Variants in USP6NL observed in about 807,000 individuals in gnomAD.
The protein encoded by USP6NL is USP6 N-terminal-like protein.
USP6NL carries 26 observed loss-of-function variants against 61.9 expected under a neutral mutation model. The observed-to-expected ratio is 0.42, with a 90% CI of 0.31 to 0.58. USP6NL has a LOEUF of 0.58. Among genes scored for constraint, USP6NL ranks in the 20% least tolerant of loss-of-function variants. USP6NL has a pLI of 0.16. For missense variants in USP6NL, 1,114 were observed against 1,034.3 expected, an observed-to-expected ratio of 1.08 and a Z score of -1.06; for synonymous variants, 432 against 390.1, an observed-to-expected ratio of 1.11 and a Z score of -1.27.
At chr10:11,539,877 T>A (rs1305419782) in intron 2 of USP6NL, among the ~76,000 whole-genome samples, 1 of 152,218 alleles carries the variant, frequency 6.6e-6, no homozygotes, top group Non-Finnish European at 1.5e-5. Context: ...CCTATGTTAG[T>A]TTTTATGACT....
At chr10:11,569,362 TA>T (rs1160093292) in intron 2 of USP6NL, among the ~76,000 whole-genome samples, 1 of 152,088 alleles carries the variant, frequency 6.6e-6, no homozygotes, top group East Asian at 1.9e-4. Flanking sequence ...AAAACACAGC[TA>T]AAAAAACAGG....
In USP6NL at chr10:11,485,352, A is replaced by C; in HGVS notation, c.760-118T>G. On this transcript the variant is annotated intron_variant, in intron 11 of 14. Transcript: ENST00000609104. The surrounding 1 kb of genome is among the most constrained non-coding windows in gnomAD (Gnocchi z 4.8). ...CAAAGCTAAACACATTTACTTCTCAAAATCACTCCAAGAATAAATTCCTCT... is the reference window on the plus strand; with the variant it reads ...CAAAGCTAAACACATTTACTTCTCACAATCACTCCAAGAATAAATTCCTCT... 1.4e-6 allele frequency: 1 copy of C among 735,402 alleles called. No homozygotes were observed. 45.6% of individuals were successfully genotyped at this position (735,402 alleles called of 1,614,324 possible).
At chr10:11,535,165 G>A (rs942337744) in intron 2 of USP6NL, among the ~76,000 whole-genome samples, 1 of 152,164 alleles carries the variant, frequency 6.6e-6, no homozygotes, top group African/African-American at 2.4e-5. Flanking sequence ...AGAGGCAGAG[G>A]CAATGGGCCC....
intron 2 of USP6NL, among the ~76,000 whole-genome samples, chr10:11,533,277 T>C (rs1056880876): frequency 1.3e-5 from 2 of 152,240 alleles, no homozygotes; most frequent in Non-Finnish European, 2.9e-5. Context: ...AAAATTATCA[T>C]GAACTTGGAA....
chr10:11,581,074 T>C (rs1766784848), intron 2 of USP6NL, among the ~76,000 whole-genome samples: 1 of 152,192 alleles, frequency 6.6e-6, no homozygotes, highest in South Asian at 2.1e-4. Context: ...TACAAACTAA[T>C]AGGTCTCTAT....
chr10:11,473,017 CATTAT>C (rs776982709), intron 14 of USP6NL, among the ~76,000 whole-genome samples: 8 of 152,082 alleles, frequency 5.3e-5, no homozygotes, highest in Non-Finnish European at 8.8e-5. Flanking sequence ...CATCATTTTA[CATTAT>C]ATGAATAAAT....
intron 7 of USP6NL, among the ~76,000 whole-genome samples, chr10:11,493,763 G>A (rs1001317915): frequency 1.8e-4 from 27 of 151,368 alleles, no homozygotes; most frequent in South Asian, 8.4e-4. Flanking sequence ...CTGCCTGTGC[G>A]GCCGGACCTC....
rs1437995796 is a variant in USP6NL, at chr10:11,460,843, C to G, written c.*1598G>C. 6.6e-6 allele frequency: 1 copy of G among 152,358 alleles called. No homozygotes were observed. Among genetic ancestry groups the G allele is most frequent in the African/African-American group, 2.4e-5 (1 of 41,432 alleles). The allele number at this position is 152,358 out of a possible 1,614,324, so 9.4% of individuals were successfully genotyped here. A position where few individuals can be genotyped will look rare whatever the true frequency, so the allele number is the denominator to read the frequency against. ...TCAGCTTCCACCTGACCTGCATCAA[C>G]AGCCCAGTTATTTCACCAGAATTTT... is the stretch of plus-strand genomic sequence containing the variant. On this transcript the variant is annotated 3_prime_UTR_variant, in exon 15 of 15. Coordinates refer to ENST00000609104, the MANE Select transcript of USP6NL (RefSeq NM_014688.5).
chr10:11,590,230 C>T (rs1838117035), intron 2 of USP6NL, among the ~76,000 whole-genome samples: 2 of 152,044 alleles, frequency 1.3e-5, no homozygotes, highest in Non-Finnish European at 2.9e-5. Context: ...CCCTGCCTAT[C>T]TCCAAAAAAA....
At chr10:11,565,074 T>C (rs1837084011) in intron 2 of USP6NL, 2 of 152,222 alleles carry the variant, frequency 1.3e-5, no homozygotes, top group South Asian at 4.1e-4. Flanking sequence ...TTTCTACAGT[T>C]TTTTTCTCAC....
At chr10:11,580,699 T>G (rs116805173) in intron 2 of USP6NL, among the ~76,000 whole-genome samples, 1,791 of 152,308 alleles carry the variant, frequency 0.012, 36 homozygotes, top group African/African-American at 0.037. Context: ...CTCCCCTAAA[T>G]GATCCTAACC....
In USP6NL at chr10:11,602,070, TACACAC is replaced by T. The variant is rs141671479; in HGVS notation, c.-83-4359_-83-4354del. ...ATATATACATACATATACATACATATACACACACACACACGTCCAAATAACAAGGGA... is the reference window on the plus strand; with the variant it reads ...ATATATACATACATATACATACATATACACACACGTCCAAATAACAAGGGA... On this transcript the variant is annotated intron_variant, in intron 1 of 14. Transcript: ENST00000609104. This position sits in a 1 kb window ranked among gnomAD's most constrained non-coding sequence, Gnocchi z 4.8. Among the ~76,000 whole-genome samples the T allele has an allele frequency of 6.6e-6, 1 of 151,664 alleles. No individual in the cohort carries two copies. The highest frequency in any genetic ancestry group is 2.4e-5 in the African/African-American group (1 of 41,338).
chr10:11,572,095 C>A (rs1837386954), intron 2 of USP6NL, among the ~76,000 whole-genome samples: 3 of 151,744 alleles, frequency 2.0e-5, no homozygotes, highest in East Asian at 3.9e-4. Context: ...AATTATTATT[C>A]TTTTCCCTGG....
At position 11,485,903 on chromosome 10, in the gene USP6NL, C is replaced by A. The variant is rs1194396191; in HGVS notation, c.673G>T (p.Val225Phe). The A allele has an allele frequency of 6.5e-7, 1 of 1,544,206 alleles. No individual in the cohort carries two copies. The highest frequency in any genetic ancestry group is 1.2e-5 in the South Asian group (1 of 81,550). ...GPKHAMHGFFVQGFPKLLRFQ... is the reference protein window; with the variant it reads ...GPKHAMHGFFFQGFPKLLRFQ... The stretch of plus-strand genomic sequence containing the variant: ...CTCAAGAGTTTAGGAAAACCTTGGA[C>A]AAAAAAGCCTAGAATACAAACATAA... Residue 225 changes from valine to phenylalanine, a missense_variant, in exon 11 of 15, where the codon GTC (valine) becomes TTC (phenylalanine). Transcript: ENST00000609104. The surrounding 1 kb of genome is among the most constrained non-coding windows in gnomAD (Gnocchi z 4.8).
At chr10:11,563,995 G>A (rs1318425280) in intron 2 of USP6NL, 1 of 152,128 alleles carries the variant, frequency 6.6e-6, no homozygotes, top group Non-Finnish European at 1.5e-5. Context: ...ATGTTCTTAG[G>A]TAGTCATTTA....
rs570462637 is a variant in USP6NL at position 11,543,384 on chromosome 10, C to T, written c.5-15817G>A. ...GTGAAACCCCGTCTCTACTAAAAAA[C>T]ACAAAAAATTAGCCAGGCATGGTGG... is the stretch of plus-strand genomic sequence containing the variant. On this transcript the variant is annotated intron_variant, in intron 2 of 14. Transcript: ENST00000609104. Among the ~76,000 whole-genome samples the T allele has an allele frequency of 3.0e-3, 455 of 151,848 alleles. 3 individuals carry two copies. The highest frequency in any genetic ancestry group is 0.011 in the African/African-American group (443 of 41,446).
At position 11,525,399 on chromosome 10, in the gene USP6NL, A is replaced by T; in HGVS notation, c.142T>A (p.Phe48Ile). Reference protein sequence around the residue: ...DYLVYKVTDRFGFLHEEELPD... With the variant: ...DYLVYKVTDRIGFLHEEELPD... ...TATGTGACTTACTGTAAAAAGCCAA[A>T]TCTATCTGTGACTTTGTAAACAAGG... Residue 48 changes from phenylalanine to isoleucine, a missense_variant, in exon 4 of 15, where the codon TTT becomes ATT. Physicochemically the swap from Phe to Ile is conservative, Grantham distance 21. Coordinates refer to ENST00000609104, the MANE Select transcript of USP6NL (RefSeq NM_014688.5). The surrounding 1 kb of genome is among the most constrained non-coding windows in gnomAD (Gnocchi z 5.0). 1.2e-6 allele frequency: 2 copies of T among 1,600,812 alleles called. No homozygotes were observed. Among genetic ancestry groups the T allele is most frequent in the Non-Finnish European group, 1.7e-6 (2 of 1,176,682 alleles).
intron 2 of USP6NL, among the ~76,000 whole-genome samples, chr10:11,554,755 A>G (rs1322449510): frequency 6.6e-6 from 1 of 151,238 alleles, no homozygotes; most frequent in Non-Finnish European, 1.5e-5. Flanking sequence ...ACCAAGAAAA[A>G]AAAAAAGAAA....
intron 7 of USP6NL, among the ~76,000 whole-genome samples, chr10:11,500,004 C>A (rs1203180884): frequency 2.0e-5 from 3 of 152,208 alleles, no homozygotes; most frequent in East Asian, 1.9e-4. Context: ...TCTCAGACAT[C>A]ATGTCCTTTG....
Sources: allele counts gnomAD v4.1 joint callset (sites outside exome capture counted in the v4.1 genomes callset), GRCh38; gene constraint gnomAD v4.1.1; non-coding constraint Gnocchi (gnomAD v3.1); transcripts MANE v1.5; gene names NCBI Gene and HGNC (gene_info 2026-07-23, HGNC 2026-07-21).